Variants in KIFC3 observed in about 807,000 individuals in gnomAD.
The protein encoded by KIFC3 is kinesin family member C3, also known as kinesin-like protein KIFC3.
In KIFC3, 60 loss-of-function variants were observed where a neutral mutation model predicts 101.8. The observed-to-expected ratio is 0.59, with a 90% CI of 0.48 to 0.73. The LOEUF (loss-of-function observed/expected upper bound fraction) is 0.73. Ranked by LOEUF, KIFC3 falls within the 30% of genes least tolerant of loss-of-function variation. The pLI is 0.00. For synonymous variants in KIFC3, 476 were observed against 482.7 expected (o/e 0.99, Z 0.18); for missense variants, 966 against 1,137.1 (o/e 0.85, Z 2.16).
intron 3 of KIFC3, chr16:57,785,740 A>G: frequency 1.1e-6 from 1 of 900,640 alleles, no homozygotes; most frequent in Non-Finnish European, 1.5e-6. Flanking sequence ...CCATCACAGC[A>G]AGACAGACCA....
intron 13 of KIFC3, 143 bp from the exon 14 acceptor site, chr16:57,761,679 C>CG: frequency 1.2e-6 from 1 of 863,594 alleles, no homozygotes; most frequent in East Asian, 2.5e-5. Context: ...CCTCCTCCAG[C>CG]TCCTCCACCG....
intron 1 of KIFC3, among the ~76,000 whole-genome samples, chr16:57,836,772 G>T (rs1052520700): frequency 1.4e-4 from 22 of 151,952 alleles, no homozygotes; most frequent in Non-Finnish European, 2.9e-4. Context: ...GCTCACTGCA[G>T]CCTCGAAGTC....
chr16:57,829,933 G>A (rs1479267477), intron 1 of KIFC3, among the ~76,000 whole-genome samples: 2 of 152,198 alleles, frequency 1.3e-5, no homozygotes, highest in Non-Finnish European at 2.9e-5. Flanking sequence ...TCATTCATAA[G>A]AGAAGAGGAA....
chr16:57,810,536 C>A, intron 1 of KIFC3: 2 of 408,788 alleles, frequency 4.9e-6, no homozygotes, highest in Non-Finnish European at 6.6e-6. Context: ...TCCAGGTGAC[C>A]GAGAGGAAGC....
chr16:57,810,560 C>A, intron 1 of KIFC3: 2 of 599,470 alleles, frequency 3.3e-6, no homozygotes, highest in Non-Finnish European at 4.2e-6. Context: ...AAGGATCCTG[C>A]GGTTCCAGTG....
intron 1 of KIFC3, among the ~76,000 whole-genome samples, chr16:57,845,357 G>T (rs954009637): frequency 6.6e-6 from 1 of 152,142 alleles, no homozygotes; most frequent in Non-Finnish European, 1.5e-5. Flanking sequence ...GCAACTCAGC[G>T]GCCTGACTGA....
intron 1 of KIFC3, among the ~76,000 whole-genome samples, chr16:57,827,348 G>A (rs1324243260): frequency 6.6e-6 from 1 of 152,248 alleles, no homozygotes; most frequent in African/African-American, 2.4e-5. Context: ...CTGCAGAGAC[G>A]TGGTGAGGGC....
In KIFC3 at chr16:57,810,715, G is replaced by A. The variant is rs1237944043; in HGVS notation, c.109-12433C>T. ...TGGGCTGAGGGACAGCTTCATGCCAGGCAAAGGGAAAAACTCTTTACACAC... is the reference window on the plus strand; with the variant it reads ...TGGGCTGAGGGACAGCTTCATGCCAAGCAAAGGGAAAAACTCTTTACACAC... On this transcript the variant is annotated intron_variant, in intron 1 of 2. Coordinates refer to the KIFC3 transcript ENST00000563028. 4.1e-6 allele frequency: 4 copies of A among 984,372 alleles called. No individual in the cohort carries two copies. The African/African-American group carries it at 5.2e-5, about 13-fold the overall frequency. The allele number at this position is 984,372 out of a possible 1,614,324, so 61.0% of individuals were successfully genotyped here. A position where few individuals can be genotyped will look rare whatever the true frequency, so the allele number is the denominator to read the frequency against.
chr16:57,785,310 C>G (rs2053204300), intron 3 of KIFC3: 1 of 237,674 alleles, frequency 4.2e-6, no homozygotes, highest in Non-Finnish European at 7.6e-6. Context: ...GCCTCTGACT[C>G]TCACCACCCT....
At chr16:57,776,082 G>C in intron 3 of KIFC3, 1 of 985,518 alleles carries the variant, frequency 1.0e-6, no homozygotes, top group Non-Finnish European at 1.2e-6. Context: ...TGCTTCCAAG[G>C]CGGCCTCTTA....
chr16:57,805,625 T>C (rs1380413181), upstream of KIFC3, among the ~76,000 whole-genome samples: 2 of 150,954 alleles, frequency 1.3e-5, no homozygotes, highest in African/African-American at 4.9e-5. Context: ...CAGCGCCATC[T>C]TTGTGTTCAG....
chr16:57,802,998 C>T (rs1218096177), upstream of KIFC3: 1 of 1,535,770 alleles, frequency 6.5e-7, no homozygotes, highest in South Asian at 1.2e-5. The surrounding 1 kb of genome is among the most constrained non-coding windows in gnomAD (Gnocchi z 5.0). Context: ...TGTCCTTGCA[C>T]GCGCTGGCGC....
In KIFC3 at chr16:57,758,425, C is replaced by A; in HGVS notation, c.*509G>T. The A allele has an allele frequency of 2.7e-6, 1 of 369,536 alleles. No homozygotes were observed. The highest frequency in any genetic ancestry group is 5.3e-6 in the Non-Finnish European group (1 of 189,522). 22.9% of individuals were successfully genotyped at this position (369,536 alleles called of 1,614,324 possible). On this transcript the variant is annotated 3_prime_UTR_variant, in exon 20 of 20. Transcript: ENST00000445690. ...GGAGGCCATGCGCCTCCGCACACCC[C>A]CCAGCTGCGGGAACCCTCCTTGAAG...
chr16:57,811,973 T>C (rs2055090800), intron 1 of KIFC3, among the ~76,000 whole-genome samples: 1 of 146,066 alleles, frequency 6.8e-6, no homozygotes, highest in Non-Finnish European at 1.5e-5. Context: ...AGCCCAGGAG[T>C]TCAAGGCTGC....
intron 1 of KIFC3, chr16:57,798,552 T>G: frequency 7.7e-6 from 4 of 522,358 alleles, no homozygotes; most frequent in Non-Finnish European, 1.0e-5. Flanking sequence ...ACCTGAGCCC[T>G]TCCCAGCTGA....
chr16:57,825,025 A>AGATG (rs781882066), intron 1 of KIFC3, among the ~76,000 whole-genome samples: 2 of 152,176 alleles, frequency 1.3e-5, no homozygotes, highest in African/African-American at 2.4e-5. Flanking sequence ...AGAACCAATG[A>AGATG]GATGGATGGA....
chr16:57,860,990 G>T (rs1227154040), intron 1 of KIFC3, among the ~76,000 whole-genome samples: 9 of 152,142 alleles, frequency 5.9e-5, no homozygotes, highest in African/African-American at 1.4e-4. Context: ...GGGATTACAG[G>T]CATGAGCCAC....
At chr16:57,777,939 G>A (rs2052311424) in intron 3 of KIFC3, among the ~76,000 whole-genome samples, 1 of 152,098 alleles carries the variant, frequency 6.6e-6, no homozygotes, top group South Asian at 2.1e-4. Context: ...GATATCCACA[G>A]GCAAAAGAAT....
chr16:57,839,075 A>G (rs2055753086), intron 1 of KIFC3, among the ~76,000 whole-genome samples: 1 of 151,942 alleles, frequency 6.6e-6, no homozygotes, highest in Admixed American at 6.6e-5. Context: ...CGCCTGTAAC[A>G]TCAGCACTTG....
Sources: allele counts gnomAD v4.1 joint callset (sites outside exome capture counted in the v4.1 genomes callset), GRCh38; gene constraint gnomAD v4.1.1; non-coding constraint Gnocchi (gnomAD v3.1); transcripts MANE v1.5; gene names NCBI Gene and HGNC (gene_info 2026-07-23, HGNC 2026-07-21).